Variants in MARVELD3 observed in about 807,000 individuals in gnomAD.
MARVELD3 encodes MARVEL domain containing 3.
A neutral mutation model predicts 33.5 loss-of-function variants in MARVELD3; 28 were observed. The observed-to-expected ratio is 0.84, with a 90% CI of 0.62 to 1.15. The LOEUF is 1.15. Among genes scored for constraint, MARVELD3 ranks in the 50% most tolerant of loss-of-function variants. The pLI is 0.00. For synonymous variants in MARVELD3, 241 were observed against 230.4 expected (o/e 1.05, Z -0.42); for missense variants, 582 against 547.6 (o/e 1.06, Z -0.63).
rs1005345605 is a variant in MARVELD3, at chr16:71,635,770, G to A, written c.*967G>A. ...CACTTCCTTAATTCTGCAAATGGAG[G>A]GGGTGGGGACTCTTGGGAAACTACT... On this transcript the variant is annotated 3_prime_UTR_variant, in exon 3 of 3. Transcript: ENST00000268485. The A allele has an allele frequency of 2.1e-5, 21 of 985,254 alleles. No individual in the cohort carries two copies. The highest frequency in any genetic ancestry group is 2.4e-5 in the Non-Finnish European group (20 of 829,948). 61.0% of individuals were successfully genotyped at this position (985,254 alleles called of 1,614,324 possible).
rs762387716 is a variant in MARVELD3 at position 71,626,245 on chromosome 16, G to C, written c.16G>C (p.Gly6Arg). 334 of 1,506,530 alleles carry C rather than the reference G, an allele frequency of 2.2e-4. No individual in the cohort carries two copies. Among genetic ancestry groups the C allele is most frequent in the Non-Finnish European group, 2.9e-4 (327 of 1,130,172 alleles). 93.3% of individuals were successfully genotyped at this position (1,506,530 alleles called of 1,614,324 possible). A position where few individuals can be genotyped will look rare whatever the true frequency, so the allele number is the denominator to read the frequency against. MEDPS[G>R]AREPRARPRE... Reference sequence around the variant, plus strand: ...GAACCCGGCCATGGAAGATCCGTCGGGGGCTCGCGAGCCCCGGGCCCGGCC... The same window carrying C: ...GAACCCGGCCATGGAAGATCCGTCGCGGGCTCGCGAGCCCCGGGCCCGGCC... Residue 6 changes from glycine (G) to arginine (R), a missense_variant, in exon 1 of 3, where the codon GGG becomes CGG. By Grantham distance (125) the Gly-to-Arg change is moderately radical. Coordinates refer to ENST00000268485, the MANE Select transcript of MARVELD3 (RefSeq NM_052858.6). The surrounding 1 kb of genome is among the most constrained non-coding windows in gnomAD (Gnocchi z 5.3).
At chr16:71,632,574 A>G (rs1427408507) in intron 2 of MARVELD3, among the ~76,000 whole-genome samples, 2 of 151,684 alleles carry the variant, frequency 1.3e-5, no homozygotes, top group East Asian at 3.9e-4. Flanking sequence ...TAATTAACTT[A>G]ATTTTTCCTA....
chr16:71,634,753 C>T lies in MARVELD3; in HGVS notation c.1156C>T (p.Arg386Ter), dbSNP rs772935330. Reference sequence around the variant, plus strand: ...GGCTGTCCTGGCCATAAAGGGCTACCGAAAAGTTAGGAAGCTAAAAGAGAA... The same window carrying T: ...GGCTGTCCTGGCCATAAAGGGCTACTGAAAAGTTAGGAAGCTAAAAGAGAA... ...LGAVLAIKGY[R>*]KVRKLKEKPA... The change falls in exon 3 of 3, where the codon CGA becomes TGA. Residue 386 changes from arginine (R) to a stop codon, truncating the protein, a stop_gained. Transcript: ENST00000268485. LOFTEE classifies it high-confidence loss of function. 5.6e-6 allele frequency: 9 copies of T among 1,610,060 alleles called. No individual in the cohort carries two copies. The African/African-American group carries it at 1.1e-4, about 19-fold the overall frequency.
chr16:71,641,174 C>T (rs1308302619), downstream of MARVELD3: 42 of 1,033,394 alleles, frequency 4.1e-5, no homozygotes, highest in Non-Finnish European at 8.3e-6. Flanking sequence ...GAATTGAGGA[C>T]GGGCATGGTG....
downstream of MARVELD3, chr16:71,641,149 T>C: frequency 8.0e-7 from 1 of 1,248,014 alleles, no homozygotes; most frequent in Non-Finnish European, 1.1e-6. Flanking sequence ...CTCTTTGGAC[T>C]GAGGCAAAGT....
chr16:71,634,976 A>T lies in MARVELD3; in HGVS notation c.*173A>T. 1 of 1,402,078 alleles carries T rather than the reference A, an allele frequency of 7.1e-7. No individual in the cohort carries two copies. The highest frequency in any genetic ancestry group is 9.3e-7 in the Non-Finnish European group (1 of 1,079,816). 86.9% of individuals were successfully genotyped at this position (1,402,078 alleles called of 1,614,324 possible). ...ATGGAGCGGTGTTCATGGATGCAAC[A>T]GACCCTGGCTTCTGGAGTCCTCTGT... On this transcript the variant is annotated 3_prime_UTR_variant, in exon 3 of 3. Coordinates refer to ENST00000268485, the MANE Select transcript of MARVELD3 (RefSeq NM_052858.6).
chr16:71,641,145 G>A, downstream of MARVELD3: 1 of 1,277,326 alleles, frequency 7.8e-7, no homozygotes, highest in Non-Finnish European at 1.1e-6. Context: ...TGCTCTCTTT[G>A]GACTGAGGCA....
At position 71,634,995 on chromosome 16, in the gene MARVELD3, C is replaced by G. The variant is rs2044569965; in HGVS notation, c.*192C>G. 18 of 1,365,426 alleles carry G rather than the reference C, an allele frequency of 1.3e-5. No homozygotes were observed. Among genetic ancestry groups the G allele is most frequent in the Non-Finnish European group, 1.6e-5 (17 of 1,060,628 alleles). The allele number at this position is 1,365,426 out of a possible 1,614,324, so 84.6% of individuals were successfully genotyped here. On this transcript the variant is annotated 3_prime_UTR_variant, in exon 3 of 3. Transcript: ENST00000268485. ...TGCAACAGACCCTGGCTTCTGGAGTCCTCTGTGAGTGAGGGACCAATCAAA... is the reference window on the plus strand; with the variant it reads ...TGCAACAGACCCTGGCTTCTGGAGTGCTCTGTGAGTGAGGGACCAATCAAA...
downstream of MARVELD3, chr16:71,641,085 T>G (rs1395285223): frequency 6.5e-7 from 1 of 1,541,476 alleles, no homozygotes; most frequent in Non-Finnish European, 8.8e-7. Flanking sequence ...ACAGGTCTTT[T>G]AAAACTCCGC....
At chr16:71,640,908 G>C (rs141358444), downstream of MARVELD3, 21 of 1,614,072 alleles carry the variant, frequency 1.3e-5, no homozygotes, top group East Asian at 4.5e-4. Context: ...GATCATGTAC[G>C]GCGCCAGCGT....
Position 71,626,617 on chromosome 16 carries a change from C to G in MARVELD3, c.388C>G (p.Pro130Ala). ...ACTGACCTGGGACGCAGCCGCGCCTCCTGGGCCCGCGCCCTGGGAAGCCCC... is the reference window on the plus strand; with the variant it reads ...ACTGACCTGGGACGCAGCCGCGCCTGCTGGGCCCGCGCCCTGGGAAGCCCC... Reference protein sequence around the residue: ...RGLTWDAAAPPGPAPWEAPEP... With the variant: ...RGLTWDAAAPAGPAPWEAPEP... Residue 130 changes from proline (P) to alanine (A), a missense_variant, in exon 1 of 3, where the codon CCT (proline) becomes GCT (alanine). Coordinates refer to ENST00000268485, the MANE Select transcript of MARVELD3 (RefSeq NM_052858.6). This position sits in a 1 kb window ranked among gnomAD's most constrained non-coding sequence, Gnocchi z 5.3. The G allele has an allele frequency of 6.5e-7, 1 of 1,539,626 alleles. No individual in the cohort carries two copies. The highest frequency in any genetic ancestry group is 1.2e-5 in the South Asian group (1 of 83,858).
rs1051786088 is a variant in MARVELD3, at chr16:71,636,057, T to A, written c.*1254T>A. On this transcript the variant is annotated 3_prime_UTR_variant, in exon 3 of 3. Transcript: ENST00000268485. ...TTGGTCAGACAACTTCATGGGTTCT[T>A]ACTGCACATTAAATTATGACTTATG... 19 of 985,304 alleles carry A rather than the reference T, an allele frequency of 1.9e-5. No individual in the cohort carries two copies. In the East Asian group the frequency reaches 3.4e-4, roughly 18 times the overall value. The allele number at this position is 985,304 out of a possible 1,614,324, so 61.0% of individuals were successfully genotyped here.
rs1169676514 is a variant in MARVELD3 at position 71,626,691 on chromosome 16, C to T, written c.462C>T (p.Pro154=). The change falls in exon 1 of 3, where the codon CCC becomes CCT. Residue 154 remains proline (P), a synonymous_variant. Coordinates refer to ENST00000268485, the MANE Select transcript of MARVELD3 (RefSeq NM_052858.6). This position sits in a 1 kb window ranked among gnomAD's most constrained non-coding sequence, Gnocchi z 5.3. ...QRKGDPGRRR[P]ESEPPSERYL... Reference sequence around the variant, plus strand: ...AGGGAGACCCCGGGCGCCGCAGACCCGAAAGGTGAGAGGGGCCGGGGCGCT... The same window carrying T: ...AGGGAGACCCCGGGCGCCGCAGACCTGAAAGGTGAGAGGGGCCGGGGCGCT... 1 of 1,488,542 alleles carries T rather than the reference C, an allele frequency of 6.7e-7. No individual in the cohort carries two copies. The highest frequency in any genetic ancestry group is 1.3e-5 in the South Asian group (1 of 74,480). 92.2% of individuals were successfully genotyped at this position (1,488,542 alleles called of 1,614,324 possible).
At chr16:71,641,074 G>A (rs1460883048), downstream of MARVELD3, 3 of 1,557,706 alleles carry the variant, frequency 1.9e-6, no homozygotes, top group Non-Finnish European at 2.6e-6. Flanking sequence ...CTCTCAAAAA[G>A]ACAGGTCTTT....
At position 71,635,721 on chromosome 16, in the gene MARVELD3, C is replaced by T; in HGVS notation, c.*918C>T. On this transcript the variant is annotated 3_prime_UTR_variant, in exon 3 of 3. Coordinates refer to ENST00000268485, the MANE Select transcript of MARVELD3 (RefSeq NM_052858.6). Reference sequence around the variant, plus strand: ...CAAGCAGATTACTCCACACGTTTTTCCACACTGAACTCTCCAGTCCTTCCA... The same window carrying T: ...CAAGCAGATTACTCCACACGTTTTTTCACACTGAACTCTCCAGTCCTTCCA... 3.0e-6 allele frequency: 3 copies of T among 985,048 alleles called. No homozygotes were observed. Among genetic ancestry groups the T allele is most frequent in the Non-Finnish European group, 3.6e-6 (3 of 829,860 alleles). The allele number at this position is 985,048 out of a possible 1,614,324, so 61.0% of individuals were successfully genotyped here.
chr16:71,640,505 G>T (rs1470551029), downstream of MARVELD3: 1 of 1,613,990 alleles, frequency 6.2e-7, no homozygotes, highest in Non-Finnish European at 8.5e-7. Context: ...GTGGCTTTGG[G>T]AACAACTACT....
At chr16:71,637,261 G>A (rs1471448507), downstream of MARVELD3, among the ~76,000 whole-genome samples, 1 of 152,124 alleles carries the variant, frequency 6.6e-6, no homozygotes, top group Non-Finnish European at 1.5e-5. Context: ...TTATTCCATT[G>A]TAGCCTAACA....
chr16:71,631,681 C>T (rs2044535776), intron 2 of MARVELD3, among the ~76,000 whole-genome samples: 1 of 151,808 alleles, frequency 6.6e-6, no homozygotes, highest in East Asian at 1.9e-4. Flanking sequence ...CTCCTGACCT[C>T]GTGATCTGCC....
chr16:71,628,543 A>G (rs1045248157), intron 1 of MARVELD3, among the ~76,000 whole-genome samples: 28 of 147,320 alleles, frequency 1.9e-4, no homozygotes, highest in Admixed American at 3.4e-4. Flanking sequence ...TCTCAAAACA[A>G]AAAAAAAAAA....
Sources: allele counts gnomAD v4.1 joint callset (sites outside exome capture counted in the v4.1 genomes callset), GRCh38; gene constraint gnomAD v4.1.1; non-coding constraint Gnocchi (gnomAD v3.1); transcripts MANE v1.5; gene names NCBI Gene and HGNC (gene_info 2026-07-23, HGNC 2026-07-21).